PTPRD: variants seen among roughly 807,000 people sequenced by gnomAD.
PTPRD encodes the protein receptor-type tyrosine-protein phosphatase delta.
A neutral mutation model predicts 214.5 loss-of-function variants in PTPRD; 34 were observed. The ratio of observed to expected loss-of-function variants is 0.16; its 90% CI spans 0.12 to 0.21. PTPRD has a LOEUF of 0.21. PTPRD is among the 10% of genes least tolerant of loss of function. The pLI is 1.00. For missense variants in PTPRD, 2,545 were observed against 2,398.7 expected, an observed-to-expected ratio of 1.06 and a Z score of -1.27; for synonymous variants, 1,128 against 845.7, an observed-to-expected ratio of 1.33 and a Z score of -5.79.
intron 10 of PTPRD, among the ~76,000 whole-genome samples, chr9:9,130,734 C>T (rs1419205009): frequency 6.6e-6 from 1 of 152,054 alleles, no homozygotes; most frequent in Non-Finnish European, 1.5e-5. Flanking sequence ...GTATGGATAA[C>T]GATTGAATGG....
intron 2 of PTPRD, among the ~76,000 whole-genome samples, chr9:10,447,734 G>C (rs1400447983): frequency 1.3e-5 from 2 of 151,930 alleles, no homozygotes; most frequent in African/African-American, 4.9e-5. Flanking sequence ...CTACCACCCA[G>C]TTTCCTTCCT....
At chr9:8,930,878 T>C (rs2098947834) in intron 11 of PTPRD, among the ~76,000 whole-genome samples, 1 of 152,156 alleles carries the variant, frequency 6.6e-6, no homozygotes, top group South Asian at 2.1e-4. Flanking sequence ...GTCAGATGAG[T>C]AGATTGCAAA....
chr9:9,850,987 T>C (rs1040539985), intron 5 of PTPRD, among the ~76,000 whole-genome samples: 5 of 152,130 alleles, frequency 3.3e-5, no homozygotes, highest in African/African-American at 1.2e-4. Flanking sequence ...AGAAAGACCT[T>C]AGTTGCCACC....
Position 10,294,283 on chromosome 9 carries a change from T to C in PTPRD, c.-545+46680A>G, listed in dbSNP as rs1010523795. ...TTCAGTGGTTCTGAGTACAATGAGA[T>C]GTTCATCTATTGAAAATACAGGAAG... is the stretch of plus-strand genomic sequence containing the variant. On this transcript the variant is annotated intron_variant, in intron 3 of 45. Coordinates refer to ENST00000381196, the MANE Select transcript of PTPRD (RefSeq NM_002839.4). 3.9e-5 allele frequency among the ~76,000 whole-genome samples: 6 copies of C among 151,902 alleles called. No homozygotes were observed. In the South Asian group the frequency reaches 1.0e-3, roughly 26 times the overall value.
intron 3 of PTPRD, among the ~76,000 whole-genome samples, chr9:10,052,410 T>TCC (rs2097550297): frequency 6.6e-6 from 1 of 152,118 alleles, no homozygotes; most frequent in South Asian, 2.1e-4. Flanking sequence ...ATTGTGTCAT[T>TCC]CCCCACCTTC....
At chr9:9,906,297 C>CT (rs1241803003) in intron 5 of PTPRD, among the ~76,000 whole-genome samples, 1 of 151,850 alleles carries the variant, frequency 6.6e-6, no homozygotes, top group Non-Finnish European at 1.5e-5. Context: ...GAGAAGTGTG[C>CT]TTTTTTGTAC....
rs376901157 is a variant in PTPRD at position 10,293,291 on chromosome 9, T to C, written c.-545+47672A>G. On this transcript the variant is annotated intron_variant, in intron 3 of 45. Transcript: ENST00000381196. ...TGGAAAAATCTGTACTTCATTATCT[T>C]GTAAATAATGATTCTTTTTCCTTAG... Among the ~76,000 whole-genome samples, 7 of 152,088 alleles carry C rather than the reference T, an allele frequency of 4.6e-5. No individual in the cohort carries two copies. In the South Asian group the frequency reaches 8.3e-4, roughly 18 times the overall value.
chr9:10,156,184 A>AAT (rs2099092203), intron 3 of PTPRD, among the ~76,000 whole-genome samples: 1 of 147,192 alleles, frequency 6.8e-6, no homozygotes, highest in African/African-American at 2.5e-5. Context: ...CAGCTTTGGC[A>AAT]TTGGTTTACT....
chr9:9,852,908 T>C (rs1216174144), intron 5 of PTPRD, among the ~76,000 whole-genome samples: 1 of 152,172 alleles, frequency 6.6e-6, no homozygotes, highest in Non-Finnish European at 1.5e-5. Context: ...TCTTGATCTG[T>C]GCACTATACC....
chr9:9,392,781 A>G (rs2066331308), intron 9 of PTPRD, among the ~76,000 whole-genome samples: 1 of 152,174 alleles, frequency 6.6e-6, no homozygotes, highest in African/African-American at 2.4e-5. Flanking sequence ...ATGTCTCTTC[A>G]ACAATATTTT....
intron 30 of PTPRD, among the ~76,000 whole-genome samples, chr9:8,477,876 T>C (rs1345793825): frequency 2.6e-5 from 4 of 152,216 alleles, no homozygotes; most frequent in Non-Finnish European, 4.4e-5. Flanking sequence ...GTTCAGAACA[T>C]AGGCTCTGGA....
At chr9:10,206,733 G>A (rs2099483939) in intron 3 of PTPRD, among the ~76,000 whole-genome samples, 3 of 152,134 alleles carry the variant, frequency 2.0e-5, no homozygotes, top group African/African-American at 7.2e-5. Context: ...TCCATTCACA[G>A]TTTGGTATAT....
chr9:9,295,927 T>C (rs903635015), intron 9 of PTPRD, among the ~76,000 whole-genome samples: 5 of 151,790 alleles, frequency 3.3e-5, no homozygotes, highest in Admixed American at 6.6e-5. Context: ...AATTATGACT[T>C]TACTACTCAG....
At chr9:9,400,200 G>C (rs568091505) in intron 8 of PTPRD, among the ~76,000 whole-genome samples, 2 of 149,208 alleles carry the variant, frequency 1.3e-5, no homozygotes, top group Admixed American at 1.4e-4. Flanking sequence ...GTTACCTTCC[G>C]TGCCAGAGGT....
intron 3 of PTPRD, among the ~76,000 whole-genome samples, chr9:10,060,049 C>T (rs419387): frequency 0.17 from 25,130 of 151,894 alleles, 4,653 homozygotes; most frequent in African/African-American, 0.46. Context: ...TAGATGCTTC[C>T]GATATTCTAT....
chr9:8,355,358 A>T (rs1258884947), intron 39 of PTPRD, among the ~76,000 whole-genome samples: 2 of 152,172 alleles, frequency 1.3e-5, no homozygotes, highest in East Asian at 3.9e-4. Flanking sequence ...TCAGACTAAC[A>T]TACCTGGTTA....
chr9:8,566,266 T>A (rs2154219295), intron 14 of PTPRD, among the ~76,000 whole-genome samples: 1 of 152,124 alleles, frequency 6.6e-6, no homozygotes, highest in South Asian at 2.1e-4. Flanking sequence ...TAGGTGTATT[T>A]CTACTTCAAG....
intron 4 of PTPRD, among the ~76,000 whole-genome samples, chr9:9,992,677 A>C (rs7048694): frequency 6.6e-6 from 1 of 151,940 alleles, no homozygotes; most frequent in Non-Finnish European, 1.5e-5. Context: ...GGAAACCATC[A>C]TTACGAGCAA....
intron 3 of PTPRD, among the ~76,000 whole-genome samples, chr9:10,047,449 A>G (rs1205293945): frequency 6.6e-6 from 1 of 151,624 alleles, no homozygotes; most frequent in Non-Finnish European, 1.5e-5. Flanking sequence ...ATTTCATTTT[A>G]TTAGTTTGAA....
Sources: allele counts gnomAD v4.1 joint callset (sites outside exome capture counted in the v4.1 genomes callset), GRCh38; gene constraint gnomAD v4.1.1; transcripts MANE v1.5; gene names NCBI Gene and HGNC (gene_info 2026-07-23, HGNC 2026-07-21).